The following TRIB3 variants were observed in gnomAD, a reference collection of about 807,000 sequenced individuals.
The protein encoded by TRIB3 is tribbles pseudokinase 3.
In TRIB3, 20 loss-of-function variants were observed where a neutral mutation model predicts 16.6. The ratio of observed to expected loss-of-function variants is 1.20; its 90% CI spans 0.85 to 1.75. TRIB3 has a LOEUF of 1.75. TRIB3 is among the 40% of genes most tolerant of loss of function. The pLI is 0.00. For synonymous variants in TRIB3, 208 were observed against 217.0 expected, an observed-to-expected ratio of 0.96 and a Z score of 0.36; for missense variants, 484 against 488.9, an observed-to-expected ratio of 0.99 and a Z score of 0.10.
At chr20:393,960 A>T (rs2015047838) in intron 3 of TRIB3, among the ~76,000 whole-genome samples, 1 of 151,888 alleles carries the variant, frequency 6.6e-6, no homozygotes, top group Admixed American at 6.6e-5. Flanking sequence ...GCAGCCATCC[A>T]TCTTGCCTAT....
chr20:381,245 C>G (rs528519436), intron 1 of TRIB3, 76 bp downstream of exon 1: 2 of 152,218 alleles, frequency 1.3e-5, no homozygotes, highest in Non-Finnish European at 2.9e-5. Context: ...AAGGGGGCGC[C>G]GGAAGCCTCT....
At chr20:393,853 G>A (rs1409236379) in intron 3 of TRIB3, among the ~76,000 whole-genome samples, 1 of 152,064 alleles carries the variant, frequency 6.6e-6, no homozygotes, top group Non-Finnish European at 1.5e-5. Context: ...CTACTGTAAG[G>A]TCCTAATTTA....
At position 388,232 on chromosome 20, in the gene TRIB3, G is replaced by A. The variant is rs55735322; in HGVS notation, c.222G>A (p.Leu74=). 50 of 1,613,530 alleles carry A rather than the reference G, an allele frequency of 3.1e-5. No homozygotes were observed. Among genetic ancestry groups the A allele is most frequent in the Non-Finnish European group, 4.2e-5 (50 of 1,180,018 alleles). ...TASRLGPYVL[L]EPEEGGRAYQ... ...CCCGTCTTGGGCCCTATGTCCTCCT[G>A]GAGCCCGAGGAGGGCGGGCGGGCCT... is the stretch of plus-strand genomic sequence containing the variant. The change falls in exon 2 of 4, where the codon CTG becomes CTA. Residue 74 remains leucine, a synonymous_variant. Coordinates refer to ENST00000217233, the MANE Select transcript of TRIB3 (RefSeq NM_021158.5).
At chr20:382,526 G>A in intron 1 of TRIB3, 1 of 1,535,530 alleles carries the variant, frequency 6.5e-7, no homozygotes, top group Non-Finnish European at 8.7e-7. Context: ...AACCTGGGGA[G>A]CTTTCTAAGA....
intron 3 of TRIB3, among the ~76,000 whole-genome samples, chr20:393,848 G>A (rs2122701834): frequency 6.6e-6 from 1 of 152,216 alleles, no homozygotes; most frequent in Non-Finnish European, 1.5e-5. Context: ...TTTCTCTACT[G>A]TAAGGTCCTA....
intron 3 of TRIB3, among the ~76,000 whole-genome samples, 181 bp downstream of exon 3, chr20:391,760 G>C (rs997662457): frequency 2.6e-5 from 4 of 152,144 alleles, no homozygotes; most frequent in African/African-American, 4.8e-5. Context: ...AGTGGCTCAC[G>C]CCTTTAATCC....
rs889472198 is a variant in TRIB3 at position 397,329 on chromosome 20, A to C, written c.*639A>C. On this transcript the variant is annotated 3_prime_UTR_variant, in exon 4 of 4. Coordinates refer to ENST00000217233, the MANE Select transcript of TRIB3 (RefSeq NM_021158.5). ...TATGAGGCTAGTTCTTGTCTAACTCAAGACTGTTCTGGAATGAGGGTCCAG... is the reference window on the plus strand; with the variant it reads ...TATGAGGCTAGTTCTTGTCTAACTCCAGACTGTTCTGGAATGAGGGTCCAG... 6.6e-6 allele frequency: 1 copy of C among 152,618 alleles called. No individual in the cohort carries two copies. Among genetic ancestry groups the C allele is most frequent in the Non-Finnish European group, 1.5e-5 (1 of 68,392 alleles). 9.5% of individuals were successfully genotyped at this position (152,618 alleles called of 1,614,324 possible).
At position 382,304 on chromosome 20, in the gene TRIB3, A is replaced by T. The variant is rs1031895805; in HGVS notation, c.-1+1135A>T. The T allele has an allele frequency of 1.7e-4, 87 of 520,714 alleles. 1 individual carries two copies. The highest frequency in any genetic ancestry group is 5.1e-4 in the Middle Eastern group (1 of 1,980). 32.3% of individuals were successfully genotyped at this position (520,714 alleles called of 1,614,324 possible). A position where few individuals can be genotyped will look rare whatever the true frequency, so the allele number is the denominator to read the frequency against. On this transcript the variant is annotated intron_variant, in intron 1 of 3. Transcript: ENST00000217233. ...CAAGATGTATAGACTCAGTTACCGC[A>T]TCTGTCCCCATCTGGGTGGAGCTTA...
intron 3 of TRIB3, among the ~76,000 whole-genome samples, chr20:393,337 CT>C (rs34033217): frequency 0.28 from 41,617 of 147,832 alleles, 6,117 homozygotes; most frequent in African/African-American, 0.37. Context: ...GACCTTGACA[CT>C]TTTTTTTTTT....
At chr20:382,629 C>A in intron 1 of TRIB3, 1 of 1,416,824 alleles carries the variant, frequency 7.1e-7, no homozygotes, top group Non-Finnish European at 9.6e-7. Context: ...GGCAACAGGT[C>A]CATAAGCTCT....
intron 2 of TRIB3, among the ~76,000 whole-genome samples, chr20:391,001 C>CGAAAAAAAAAAAAAAAAAA (rs747388615): frequency 1.2e-5 from 1 of 85,786 alleles, no homozygotes; most frequent in Non-Finnish European, 2.3e-5. Context: ...GACTCCGTCT[C>CGAAAAAAAAAAAAAAAAAA]AAAAAAAAAA....
rs754601509 is a variant in TRIB3, at chr20:396,675, G to T, written c.1062G>T (p.Val354=). ...EAREEEGDRE[V]VLYG ...GGGAAGAGGAGGGAGACAGAGAAGT[G>T]GTTCTGTATGGCTAGGACCACCCTA... is the stretch of plus-strand genomic sequence containing the variant. Residue 354 remains valine, a synonymous_variant, in exon 4 of 4, where the codon GTG becomes GTT. Transcript: ENST00000217233. 6.2e-7 allele frequency: 1 copy of T among 1,610,294 alleles called. No homozygotes were observed. Among genetic ancestry groups the T allele is most frequent in the East Asian group, 2.2e-5 (1 of 44,800 alleles).
Position 396,381 on chromosome 20 carries a change from C to T in TRIB3, c.768C>T (p.Ala256=), listed in dbSNP as rs771827816. The T allele has an allele frequency of 4.3e-5, 69 of 1,613,386 alleles. 2 individuals carry two copies. The Middle Eastern group carries it at 2.5e-3, about 58-fold the overall frequency. Reference sequence around the variant, plus strand: ...GCGTGGCGCTCTTCACCATGCTGGCCGGCCACTACCCCTTCCAGGACTCGG... The same window carrying T: ...GCGTGGCGCTCTTCACCATGCTGGCTGGCCACTACCCCTTCCAGGACTCGG... ...SLGVALFTML[A]GHYPFQDSEP... Residue 256 remains alanine (A), a synonymous_variant, in exon 4 of 4, where the codon GCC becomes GCT. Transcript: ENST00000217233.
At chr20:382,215 A>T (rs1600244987) in intron 1 of TRIB3, among the ~76,000 whole-genome samples, 1 of 152,278 alleles carries the variant, frequency 6.6e-6, no homozygotes, top group African/African-American at 2.4e-5. Flanking sequence ...GGTAGATATT[A>T]GGGGCTGCTT....
At chr20:381,237 G>GGGGGCGCCGGAAGCCTC (rs2014634803) in intron 1 of TRIB3, 68 bp downstream of exon 1, 1 of 152,240 alleles carries the variant, frequency 6.6e-6, no homozygotes, top group Admixed American at 6.5e-5. Context: ...GGCCGGGGAA[G>GGGGGCGCCGGAAGCCTC]GGGGCGCCGG....
intron 3 of TRIB3, among the ~76,000 whole-genome samples, chr20:395,288 A>G (rs1600256905): frequency 2.0e-5 from 3 of 151,854 alleles, no homozygotes. Context: ...CAGCCTCCCA[A>G]GTAGCTGGGA....
rs759352385 is a variant in TRIB3 at position 386,871 on chromosome 20, C to T, written c.1-1140C>T. On this transcript the variant is annotated intron_variant, in intron 1 of 3. Coordinates refer to ENST00000217233, the MANE Select transcript of TRIB3 (RefSeq NM_021158.5). ...CTGCACTTTGGCATTGCCTTGGTCA[C>T]GTGCTGCTACCTGGGATTACAGGCA... 1.2e-3 allele frequency among the ~76,000 whole-genome samples: 185 copies of T among 151,944 alleles called. 5 individuals carry two copies. Among genetic ancestry groups the T allele is most frequent in the Admixed American group, 5.9e-4 (9 of 15,240 alleles).
At chr20:382,454 C>T (rs1054233959) in intron 1 of TRIB3, 2 of 1,367,758 alleles carry the variant, frequency 1.5e-6, no homozygotes, top group Non-Finnish European at 2.0e-6. Context: ...TGTGCACAGC[C>T]AGGTATCATC....
chr20:382,120 TGTGTGTGC>T (rs1451576306), intron 1 of TRIB3, among the ~76,000 whole-genome samples: 3,065 of 139,558 alleles, frequency 0.022, 104 homozygotes, highest in African/African-American at 0.072. Flanking sequence ...TGTGTGTGTG[TGTGTGTGC>T]GTGCGCGCGC....
Sources: gnomAD v4.1 joint callset for allele counts (sites outside exome capture counted in the v4.1 genomes callset) on GRCh38, gnomAD v4.1.1 for gene constraint, MANE v1.5 for transcripts, NCBI Gene and HGNC (gene_info 2026-07-23, HGNC 2026-07-21) for gene names.